The following KCNT1 variants were observed in gnomAD, a reference collection of about 807,000 sequenced individuals.
KCNT1 encodes the protein potassium sodium-activated channel subfamily T member 1.
KCNT1 carries 78 observed loss-of-function variants against 147.8 expected under a neutral mutation model. That is an observed-to-expected ratio of 0.53 (90% CI 0.44 to 0.64). The LOEUF is 0.64. Among genes scored for constraint, KCNT1 ranks in the 30% least tolerant of loss-of-function variants. The pLI is 0.00. For missense variants in KCNT1, 1,419 were observed against 1,750.3 expected (o/e 0.81, Z 3.38); for synonymous variants, 867 against 748.8 (o/e 1.16, Z -2.58).
intron 4 of KCNT1, 155 bp from the exon 5 acceptor site, chr9:135,753,782 G>C (rs1389126810): frequency 3.0e-5 from 21 of 706,596 alleles, no homozygotes; most frequent in Non-Finnish European, 4.3e-5. Context: ...AGGCTGCCTT[G>C]TCTCCCAGGT....
chr9:135,714,745 GCT>G lies in KCNT1; in HGVS notation c.254+26_254+27del. ...GGTAGGGACCGGGCGCGGGGTGGGG[GCT>G]GGGGTCGCCGTCCCGGCGCCGCCGC... On this transcript the variant is annotated intron_variant, in intron 2 of 30. Coordinates refer to ENST00000371757, the MANE Select transcript of KCNT1 (RefSeq NM_020822.3). The surrounding 1 kb of genome is among the most constrained non-coding windows in gnomAD (Gnocchi z 6.2). 1 of 1,268,712 alleles carries G rather than the reference GCT, an allele frequency of 7.9e-7. No individual in the cohort carries two copies. The highest frequency in any genetic ancestry group is 1.0e-6 in the Non-Finnish European group (1 of 992,292). The allele number at this position is 1,268,712 out of a possible 1,614,324, so 78.6% of individuals were successfully genotyped here. A position where few individuals can be genotyped will look rare whatever the true frequency, so the allele number is the denominator to read the frequency against.
chr9:135,706,142 C>T (rs987764006), intron 1 of KCNT1, among the ~76,000 whole-genome samples: 1 of 152,182 alleles, frequency 6.6e-6, no homozygotes, highest in African/African-American at 2.4e-5. Context: ...CCTCAGTTTC[C>T]TCATCTGTAG....
chr9:135,786,635 C>T lies in KCNT1; in HGVS notation c.3502+114C>T, dbSNP rs1016581849. On this transcript the variant is annotated intron_variant, in intron 29 of 30. Coordinates refer to ENST00000371757, the MANE Select transcript of KCNT1 (RefSeq NM_020822.3). ...GGGCCCGGGCCGTCCTCCTGTCTGTCATCTGTCTGTCTGTCAGCCTTTCTG... is the reference window on the plus strand; with the variant it reads ...GGGCCCGGGCCGTCCTCCTGTCTGTTATCTGTCTGTCTGTCAGCCTTTCTG... 3.9e-6 allele frequency: 4 copies of T among 1,018,370 alleles called. No homozygotes were observed. In the African/African-American group the frequency reaches 6.9e-5, roughly 17 times the overall value. The allele number at this position is 1,018,370 out of a possible 1,614,324, so 63.1% of individuals were successfully genotyped here.
At chr9:135,736,684 G>T (rs1410153884) in intron 2 of KCNT1, 4 of 327,692 alleles carry the variant, frequency 1.2e-5, no homozygotes, top group East Asian at 4.6e-5. Context: ...GGCGGGCCCG[G>T]GGGGCGCCCC....
At chr9:135,765,267 C>G in intron 12 of KCNT1, 72 bp downstream of exon 12, 1 of 1,443,820 alleles carries the variant, frequency 6.9e-7, no homozygotes, top group Non-Finnish European at 9.6e-7. Flanking sequence ...CTCCCCAGGA[C>G]TGCTTGGCAA....
chr9:135,720,941 G>A (rs938793433), intron 2 of KCNT1, among the ~76,000 whole-genome samples: 4 of 152,254 alleles, frequency 2.6e-5, no homozygotes, highest in African/African-American at 9.6e-5. Flanking sequence ...GAGGGGGACA[G>A]TCAGGAGGAA....
intron 15 of KCNT1, 140 bp downstream of exon 15, chr9:135,769,077 G>A: frequency 1.5e-6 from 1 of 669,128 alleles, no homozygotes; most frequent in Admixed American, 2.5e-5. Flanking sequence ...GCACACGTGG[G>A]TGACGGTGCG....
At chr9:135,728,912 G>A (rs763657776) in intron 2 of KCNT1, among the ~76,000 whole-genome samples, 6 of 152,152 alleles carry the variant, frequency 3.9e-5, no homozygotes, top group South Asian at 2.1e-4. Context: ...CGATTGTCAC[G>A]TGACATGGTG....
rs927339771 is a variant in KCNT1, at chr9:135,711,562, A to G, written c.111-3015A>G. Reference sequence around the variant, plus strand: ...CTGGCGTGCAGCTGGCTCTCAGTCCATGGCAGCTGGCACTGAGCACAGCTG... The same window carrying G: ...CTGGCGTGCAGCTGGCTCTCAGTCCGTGGCAGCTGGCACTGAGCACAGCTG... On this transcript the variant is annotated intron_variant, in intron 1 of 30. Coordinates refer to ENST00000371757, the MANE Select transcript of KCNT1 (RefSeq NM_020822.3). 4.6e-5 allele frequency among the ~76,000 whole-genome samples: 7 copies of G among 152,202 alleles called. No individual in the cohort carries two copies. The East Asian group carries it at 1.3e-3, about 29-fold the overall frequency.
intron 24 of KCNT1, 120 bp downstream of exon 24, chr9:135,779,590 G>T: frequency 1.4e-6 from 1 of 731,350 alleles, no homozygotes; most frequent in Non-Finnish European, 2.3e-6. Flanking sequence ...CCCTCCTGCT[G>T]GGGAACTCAG....
rs1158239708 is a variant in KCNT1 at position 135,730,933 on chromosome 9, C to T, written c.254+16213C>T. ...CCCAGGAGGTCCAGGCTGCAGTGAG[C>T]GATGTTCATGCCACTGCACTCCAGC... is the stretch of plus-strand genomic sequence containing the variant. On this transcript the variant is annotated intron_variant, in intron 2 of 30. Coordinates refer to ENST00000371757, the MANE Select transcript of KCNT1 (RefSeq NM_020822.3). This position sits in a 1 kb window ranked among gnomAD's most constrained non-coding sequence, Gnocchi z 4.7. Among the ~76,000 whole-genome samples the T allele has an allele frequency of 1.5e-5, 2 of 136,238 alleles. No individual in the cohort carries two copies. The highest frequency in any genetic ancestry group is 2.8e-5 in the African/African-American group (1 of 36,270). 89.4% of individuals were successfully genotyped at this position (136,238 alleles called of 152,430 possible).
chr9:135,751,838 G>A (rs183490696), intron 4 of KCNT1, among the ~76,000 whole-genome samples: 118 of 152,264 alleles, frequency 7.7e-4, no homozygotes, highest in African/African-American at 2.7e-3. Flanking sequence ...CGGATGCTGT[G>A]CTCTGTGTCC....
intron 20 of KCNT1, 70 bp downstream of exon 20, chr9:135,775,485 G>C: frequency 8.7e-7 from 1 of 1,154,330 alleles, no homozygotes; most frequent in Non-Finnish European, 1.2e-6. Flanking sequence ...ACCTGCCCTG[G>C]TTTCTCTTTG....
At chr9:135,746,823 A>G (rs113922125) in intron 2 of KCNT1, among the ~76,000 whole-genome samples, 1 of 151,960 alleles carries the variant, frequency 6.6e-6, no homozygotes, top group Non-Finnish European at 1.5e-5. Context: ...AGGAGTGGCC[A>G]GGCAGGAGCC....
intron 13 of KCNT1, 22 bp downstream of exon 13, chr9:135,765,782 G>T (rs1476275838): frequency 6.4e-7 from 1 of 1,573,334 alleles, no homozygotes; most frequent in Non-Finnish European, 8.7e-7. Flanking sequence ...TGGGCGGAGG[G>T]GGTGGCATGG....
Position 135,765,144 on chromosome 9 carries a change from C to T in KCNT1, c.1149C>T (p.Ile383=), listed in dbSNP as rs144977019. ...HVVLCVSSLK[I]DLLMDFLNEF... ...TCCTGTGTGTCAGCTCCCTCAAGAT[C>T]GACCTTCTCATGGACTTCCTGAACG... is the stretch of plus-strand genomic sequence containing the variant. The change falls in exon 12 of 31, where the codon ATC becomes ATT. Residue 383 remains isoleucine, a synonymous_variant. Transcript: ENST00000371757. 1.6e-4 allele frequency: 265 copies of T among 1,613,408 alleles called. No homozygotes were observed. The highest frequency in any genetic ancestry group is 2.0e-4 in the Non-Finnish European group (241 of 1,179,930).
chr9:135,765,178 G>T lies in KCNT1; in HGVS notation c.1183G>T (p.Ala395Ser). ...CATGGACTTCCTGAACGAGTTCTAC[G>T]CCCACCCCCGGCTCCAGGTGAGGCC... ...LLMDFLNEFY[A>S]HPRLQDYYVV... The change falls in exon 12 of 31, where the codon GCC becomes TCC. Residue 395 changes from alanine (A) to serine (S), a missense_variant. Coordinates refer to ENST00000371757, the MANE Select transcript of KCNT1 (RefSeq NM_020822.3). The T allele has an allele frequency of 1.2e-6, 2 of 1,612,194 alleles. No individual in the cohort carries two copies. Among genetic ancestry groups the T allele is most frequent in the Non-Finnish European group, 1.7e-6 (2 of 1,179,032 alleles).
intron 1 of KCNT1, among the ~76,000 whole-genome samples, chr9:135,703,988 C>G (rs1158920466): frequency 6.6e-6 from 1 of 152,264 alleles, no homozygotes; most frequent in Non-Finnish European, 1.5e-5. Flanking sequence ...AGGCGTCAGG[C>G]TTGGGGAGGG....
rs1245114972 is a variant in KCNT1, at chr9:135,768,917, A to G, written c.1490A>G (p.Lys497Arg). Residue 497 changes from lysine to arginine, a missense_variant, in exon 15 of 31, where the codon AAG becomes AGG. Coordinates refer to ENST00000371757, the MANE Select transcript of KCNT1 (RefSeq NM_020822.3). ...GTCCAGATCCTCAAACCTGAAAACA[A>G]GTTTCACGTCAAGTTTGCTGGTGCG... Reference protein sequence around the residue: ...LYVQILKPENKFHVKFADHVV... With the variant: ...LYVQILKPENRFHVKFADHVV... The G allele has an allele frequency of 6.2e-7, 1 of 1,613,288 alleles. No homozygotes were observed. Among genetic ancestry groups the G allele is most frequent in the Non-Finnish European group, 8.5e-7 (1 of 1,179,812 alleles).
Sources: gnomAD v4.1 joint callset for allele counts (sites outside exome capture counted in the v4.1 genomes callset) on GRCh38, gnomAD v4.1.1 for gene constraint, Gnocchi (gnomAD v3.1) non-coding constraint, MANE v1.5 for transcripts, NCBI Gene and HGNC (gene_info 2026-07-23, HGNC 2026-07-21) for gene names.